The following CHD7 variants were observed in gnomAD, a reference collection of about 807,000 sequenced individuals.
The protein encoded by CHD7 is chromodomain helicase DNA binding protein 7.
A neutral mutation model predicts 307.3 loss-of-function variants in CHD7; 24 were observed. That is an observed-to-expected ratio of 0.08 (90% CI 0.06 to 0.11). CHD7 has a LOEUF of 0.11. Ranked by LOEUF, CHD7 falls within the 10% of genes least tolerant of loss-of-function variation. The probability of loss-of-function intolerance (pLI) is 1.00; values close to 1 mark genes in which losing one functional copy is unlikely to be tolerated. For synonymous variants in CHD7, 1,363 were observed against 1,349.9 expected (o/e 1.01, Z -0.21); for missense variants, 3,106 against 3,727.1 (o/e 0.83, Z 4.34).
At chr8:60,810,945 A>G (rs1276702820) in intron 7 of CHD7, among the ~76,000 whole-genome samples, 1 of 152,164 alleles carries the variant, frequency 6.6e-6, no homozygotes, top group African/African-American at 2.4e-5. Context: ...TCAGCGTAAC[A>G]TTAGTTTCTC....
At chr8:60,848,878 T>C (rs915686175) in intron 24 of CHD7, among the ~76,000 whole-genome samples, 173 bp from the exon 25 acceptor site, 1 of 152,192 alleles carries the variant, frequency 6.6e-6, no homozygotes, top group East Asian at 1.9e-4. Context: ...TAAAGTTCAT[T>C]TCTGGTCATG....
rs1043224793 is a variant in CHD7, at chr8:60,821,723, C to T, written c.2698-67C>T. On this transcript the variant is annotated intron_variant, in intron 9 of 37. Coordinates refer to ENST00000423902, the MANE Select transcript of CHD7 (RefSeq NM_017780.4). ...CTATATGTATAAACATATATATACA[C>T]ATATATATGTATATGTATGTATGTG... 52 of 1,296,444 alleles carry T rather than the reference C, an allele frequency of 4.0e-5. No homozygotes were observed. The African/African-American group carries it at 7.0e-4, about 18-fold the overall frequency. The allele number at this position is 1,296,444 out of a possible 1,614,324, so 80.3% of individuals were successfully genotyped here. A position where few individuals can be genotyped will look rare whatever the true frequency, so the allele number is the denominator to read the frequency against.
intron 2 of CHD7, among the ~76,000 whole-genome samples, chr8:60,761,059 A>G (rs966222065): frequency 1.3e-5 from 2 of 152,128 alleles, no homozygotes; most frequent in Non-Finnish European, 2.9e-5. Context: ...TTACTGCGGC[A>G]TTATTCACAA....
chr8:60,751,862 A>G (rs759938214), intron 2 of CHD7, among the ~76,000 whole-genome samples: 2 of 152,148 alleles, frequency 1.3e-5, no homozygotes, highest in African/African-American at 2.4e-5. Flanking sequence ...AAAAAAGTCA[A>G]CGTAGATACA....
chr8:60,685,174 A>T (rs1042672026), intron 1 of CHD7, among the ~76,000 whole-genome samples: 3 of 152,186 alleles, frequency 2.0e-5, no homozygotes, highest in Non-Finnish European at 4.4e-5. Context: ...CCATGATGAC[A>T]TTGTTTTATC....
intron 1 of CHD7, among the ~76,000 whole-genome samples, chr8:60,687,150 C>T (rs1805944874): frequency 6.6e-6 from 1 of 152,176 alleles, no homozygotes; most frequent in East Asian, 1.9e-4. Flanking sequence ...ATTATTTCAA[C>T]ACACCTAAAA....
chr8:60,684,543 G>A (rs953386612), intron 1 of CHD7, among the ~76,000 whole-genome samples: 5 of 146,778 alleles, frequency 3.4e-5, no homozygotes, highest in African/African-American at 4.9e-5. Context: ...CGTCAGTTGG[G>A]TGGGGTATTA....
chr8:60,699,893 T>G (rs1806674083), intron 1 of CHD7, among the ~76,000 whole-genome samples: 1 of 151,942 alleles, frequency 6.6e-6, no homozygotes, highest in South Asian at 2.1e-4. Flanking sequence ...TGGTGTGCAA[T>G]GGCGTGATTT....
At chr8:60,831,080 T>C (rs1804495223) in intron 15 of CHD7, among the ~76,000 whole-genome samples, 1 of 152,220 alleles carries the variant, frequency 6.6e-6, no homozygotes, top group South Asian at 2.1e-4. Flanking sequence ...GCTTTGATAA[T>C]TTATGGCCCT....
intron 2 of CHD7, among the ~76,000 whole-genome samples, chr8:60,778,614 G>C (rs956731572): frequency 6.6e-6 from 1 of 152,172 alleles, no homozygotes; most frequent in African/African-American, 2.4e-5. Context: ...AACATACCTG[G>C]TATTAATTCT....
chr8:60,730,221 G>A (rs1204056135), intron 1 of CHD7, among the ~76,000 whole-genome samples: 5 of 152,222 alleles, frequency 3.3e-5, no homozygotes, highest in African/African-American at 1.2e-4. Flanking sequence ...CTCTCTGGAG[G>A]AAGGAAACCC....
intron 1 of CHD7, among the ~76,000 whole-genome samples, chr8:60,691,649 T>C (rs1453411914): frequency 2.6e-5 from 4 of 152,216 alleles, no homozygotes; most frequent in African/African-American, 9.6e-5. Flanking sequence ...CTGCAGCTAA[T>C]GTTCTTACCC....
chr8:60,829,435 T>C (rs1804399028), intron 14 of CHD7, among the ~76,000 whole-genome samples: 1 of 151,708 alleles, frequency 6.6e-6, no homozygotes, highest in Non-Finnish European at 1.5e-5. Flanking sequence ...CCATCTCTAC[T>C]AAAAAAAATA....
Position 60,822,037 on chromosome 8 carries a change from C to T in CHD7, c.2849C>T (p.Ala950Val). The stretch of plus-strand genomic sequence containing the variant: ...TATTTGAAACAGGAGCGACCTCCTG[C>T]TGATGATTGGAAGAAATCGGAGAGT... ...PETERVERPP[A>V]DDWKKSESSR... Residue 950 changes from alanine to valine, a missense_variant, in exon 11 of 38, where the codon GCT becomes GTT. Coordinates refer to ENST00000423902, the MANE Select transcript of CHD7 (RefSeq NM_017780.4). 2 of 1,613,754 alleles carry T rather than the reference C, an allele frequency of 1.2e-6. No individual in the cohort carries two copies. The highest frequency in any genetic ancestry group is 1.7e-6 in the Non-Finnish European group (2 of 1,179,762).
Position 60,852,477 on chromosome 8 carries a change from CTAATA to C in CHD7, c.5895-16_5895-12del. ...GTCTTTTCCTGAAGTATGATGCAAG[CTAATA>C]TAATCTTTCTAACAGGTGGACAAGA... On this transcript the variant is annotated splice_polypyrimidine_tract_variant and intron_variant, in intron 29 of 37. Coordinates refer to ENST00000423902, the MANE Select transcript of CHD7 (RefSeq NM_017780.4). 1 of 1,593,252 alleles carries C rather than the reference CTAATA, an allele frequency of 6.3e-7. No individual in the cohort carries two copies. The highest frequency in any genetic ancestry group is 1.1e-5 in the South Asian group (1 of 90,202).
chr8:60,816,473 A>T lies in CHD7; in HGVS notation c.2585A>T (p.Lys862Met). The change falls in exon 8 of 38, where the codon AAG becomes ATG. Residue 862 changes from lysine to methionine, a missense_variant. Lys to Met is a moderately conservative substitution (Grantham distance 95). This residue lies in a region of CHD7 where 188 missense variants were observed against 261.7 expected (regional missense o/e 0.72). Coordinates refer to ENST00000423902, the MANE Select transcript of CHD7 (RefSeq NM_017780.4). ...IQQKIKRFKAKQGQNKFLSEI... is the reference protein window; with the variant it reads ...IQQKIKRFKAMQGQNKFLSEI... ...CAAAAAATTAAACGATTTAAGGCAA[A>T]GCAGGGCCAGAACAAGTTCCTTTCA... 1 of 1,607,938 alleles carries T rather than the reference A, an allele frequency of 6.2e-7. No homozygotes were observed. The highest frequency in any genetic ancestry group is 2.2e-5 in the East Asian group (1 of 44,720).
intron 15 of CHD7, among the ~76,000 whole-genome samples, chr8:60,834,064 A>G (rs1804641026): frequency 6.6e-6 from 1 of 152,016 alleles, no homozygotes; most frequent in Non-Finnish European, 1.5e-5. Context: ...GAAAGAATGC[A>G]TTTTTTTTCT....
chr8:60,728,878 T>A (rs931404527), intron 1 of CHD7, among the ~76,000 whole-genome samples: 1 of 152,200 alleles, frequency 6.6e-6, no homozygotes, highest in African/African-American at 2.4e-5. Flanking sequence ...GGTAAACTTA[T>A]GTTATAGGGG....
chr8:60,814,626 TA>T (rs1803643897), intron 7 of CHD7, among the ~76,000 whole-genome samples: 3 of 152,212 alleles, frequency 2.0e-5, no homozygotes, highest in Admixed American at 2.0e-4. Context: ...TTTGTATTTT[TA>T]ATAGAGTTGG....
Sources: gnomAD v4.1 joint callset for allele counts (sites outside exome capture counted in the v4.1 genomes callset) on GRCh38, gnomAD v4.1.1 for gene constraint, gnomAD v4.1.1 regional missense constraint, MANE v1.5 for transcripts, NCBI Gene and HGNC (gene_info 2026-07-23, HGNC 2026-07-21) for gene names.